Variants in PCDH11X observed in about 807,000 individuals in gnomAD.
PCDH11X encodes the protein protocadherin-11 X-linked.
PCDH11X carries 18 observed loss-of-function variants against 53.3 expected under a neutral mutation model. The observed-to-expected ratio is 0.34, with a 90% CI of 0.23 to 0.50. The LOEUF (loss-of-function observed/expected upper bound fraction) is 0.50, where lower values mean the gene tolerates loss of function less well. Among genes scored for constraint, PCDH11X ranks in the 20% least tolerant of loss-of-function variants. The pLI is 0.98. For missense variants in PCDH11X, 570 were observed against 1,032.4 expected, an observed-to-expected ratio of 0.55 and a Z score of 6.14; for synonymous variants, 279 against 393.3, an observed-to-expected ratio of 0.71 and a Z score of 3.44.
At chrX:92,300,285 A>G (rs1258566229) in intron 8 of PCDH11X, among the ~76,000 whole-genome samples, 1 of 110,981 alleles carries the variant, frequency 9.0e-6, no homozygotes, top group Admixed American at 9.6e-5. Context: ...TGTACCTACA[A>G]AAATTAAAAA....
chrX:92,364,938 T>A (rs867740743), intron 8 of PCDH11X, among the ~76,000 whole-genome samples: 951 of 41,454 alleles, frequency 0.023, 26 homozygotes, highest in African/African-American at 0.062. Context: ...AAAAAAAAAA[T>A]TTCTTTCTTT....
chrX:92,345,598 A>T (rs1318117829), intron 8 of PCDH11X, among the ~76,000 whole-genome samples: 2 of 111,547 alleles, frequency 1.8e-5, no homozygotes, highest in African/African-American at 3.2e-5. Context: ...AATAACGTTA[A>T]TTTTTAATTT....
At chrX:92,189,890 T>C (rs934437778) in intron 6 of PCDH11X, among the ~76,000 whole-genome samples, 1 of 111,857 alleles carries the variant, frequency 8.9e-6, no homozygotes, top group African/African-American at 3.2e-5. Context: ...TTCATGTCCT[T>C]TGCCCAATTC....
rs554127873 is a variant in PCDH11X, at chrX:91,873,321, G to C, written c.541-3460G>C. Among the ~76,000 whole-genome samples, 125 of 108,396 alleles carry C rather than the reference G, an allele frequency of 1.2e-3. 3 individuals carry two copies. The South Asian group carries it at 0.051, about 44-fold the overall frequency. The allele number at this position is 108,396 out of a possible 115,157, so 94.1% of individuals were successfully genotyped here. On this transcript the variant is annotated intron_variant, in intron 5 of 10. Transcript: ENST00000682573. ...GGAGCTGTTGAGAACTTAAAATATG[G>C]GTAGTGCAAGTAGGAACTGATGTTT...
At chrX:92,427,521 A>G (rs1470117113) in intron 9 of PCDH11X, among the ~76,000 whole-genome samples, 1 of 54,795 alleles carries the variant, frequency 1.8e-5, no homozygotes, top group African/African-American at 7.9e-5. Flanking sequence ...TTTGCAAATG[A>G]TTTAACACCT....
intron 6 of PCDH11X, among the ~76,000 whole-genome samples, chrX:91,940,103 T>G (rs964699313): frequency 4.5e-5 from 5 of 110,419 alleles, no homozygotes; most frequent in African/African-American, 1.6e-4. Context: ...CTTGTTATTG[T>G]CCTTGTGATA....
chrX:91,867,969 G>T, intron 5 of PCDH11X, among the ~76,000 whole-genome samples: 1 of 111,586 alleles, frequency 9.0e-6, no homozygotes, highest in Middle Eastern at 4.6e-3. Flanking sequence ...CAGCTTCACA[G>T]CCCTGCCTGT....
intron 6 of PCDH11X, among the ~76,000 whole-genome samples, chrX:92,103,366 C>A (rs2064304709): frequency 9.0e-6 from 1 of 110,564 alleles, no homozygotes; most frequent in South Asian, 3.9e-4. Flanking sequence ...GGAAACAGAC[C>A]CTTGAAAAGA....
chrX:92,514,052 C>T (rs1395329584), intron 10 of PCDH11X, among the ~76,000 whole-genome samples: 3 of 112,136 alleles, frequency 2.7e-5, no homozygotes, highest in Non-Finnish European at 5.6e-5. Context: ...TACTCCATTA[C>T]TTTTTATGGT....
At chrX:92,145,377 T>C (rs1433434318) in intron 6 of PCDH11X, among the ~76,000 whole-genome samples, 1 of 110,827 alleles carries the variant, frequency 9.0e-6, no homozygotes, top group African/African-American at 3.3e-5. Context: ...AGTAGAAAAC[T>C]ATAAGGCTTC....
intron 6 of PCDH11X, among the ~76,000 whole-genome samples, chrX:92,168,931 A>T (rs1257533960): frequency 1.8e-5 from 2 of 111,969 alleles, no homozygotes. Flanking sequence ...AATGTTTGTT[A>T]ATAGCACCTT....
chrX:92,276,872 T>A (rs1463406041), intron 8 of PCDH11X, among the ~76,000 whole-genome samples: 2 of 111,326 alleles, frequency 1.8e-5, no homozygotes, highest in African/African-American at 6.6e-5. Context: ...GATTTTTATA[T>A]TTGATGAAAA....
rs183673295 is a variant in PCDH11X, at chrX:92,280,200, T to C, written c.3144+17057T>C. On this transcript the variant is annotated intron_variant, in intron 8 of 10. Transcript: ENST00000682573. ...TACATCATTTCAGTTTGTGTAAGTA[T>C]ACTCTATGATTTTTGCACAATGAAG... Among the ~76,000 whole-genome samples, 27 of 112,048 alleles carry C rather than the reference T, an allele frequency of 2.4e-4. No homozygotes were observed. The East Asian group carries it at 6.7e-3, about 28-fold the overall frequency.
At position 91,813,522 on chromosome X, in the gene PCDH11X, A is replaced by G. The variant is rs759403176; in HGVS notation, c.-45+2227A>G. ...TTGGCTCGGCTGAAGAGGAGAGGTC[A>G]TGGATTATAAATTAAAGAGAAAGAT... On this transcript the variant is annotated intron_variant, in intron 4 of 10. Transcript: ENST00000682573. Among the ~76,000 whole-genome samples, 577 of 104,431 alleles carry G rather than the reference A, an allele frequency of 5.5e-3. 5 individuals carry two copies. Among genetic ancestry groups the G allele is most frequent in the African/African-American group, 0.021 (549 of 26,306 alleles). 90.7% of individuals were successfully genotyped at this position (104,431 alleles called of 115,157 possible).
At chrX:92,104,458 G>A (rs1362259133) in intron 6 of PCDH11X, among the ~76,000 whole-genome samples, 2 of 110,909 alleles carry the variant, frequency 1.8e-5, no homozygotes, top group Non-Finnish European at 3.8e-5. Flanking sequence ...TGGACGTCAG[G>A]CACCTCAGAC....
intron 10 of PCDH11X, among the ~76,000 whole-genome samples, chrX:92,521,216 C>G (rs2074364334): frequency 9.0e-6 from 1 of 111,556 alleles, no homozygotes; most frequent in South Asian, 3.7e-4. Context: ...TGCAGCTATA[C>G]CCATGGAAAA....
intron 6 of PCDH11X, among the ~76,000 whole-genome samples, chrX:91,924,343 G>C (rs1314627734): frequency 9.0e-6 from 1 of 111,048 alleles, no homozygotes; most frequent in Non-Finnish European, 1.9e-5. Flanking sequence ...GTAATCCAAG[G>C]AATGTGAGTA....
In PCDH11X at chrX:92,326,622, C is replaced by CTATATATATATATATATATATAA. The variant is rs1160866218; in HGVS notation, c.3145-61095_3145-61094insTATAATATATATATATATATATA. Among the ~76,000 whole-genome samples the CTATATATATATATATATATATAA allele has an allele frequency of 3.3e-3, 151 of 45,723 alleles. 2 individuals carry two copies. Among genetic ancestry groups the CTATATATATATATATATATATAA allele is most frequent in the African/African-American group, 8.6e-3 (58 of 6,741 alleles). 39.7% of individuals were successfully genotyped at this position (45,723 alleles called of 115,157 possible). Reference sequence around the variant, plus strand: ...ATTATTTTCAATTATTTTTAATAAACTATATATATATATATATAGAGAGAG... The same window carrying CTATATATATATATATATATATAA: ...ATTATTTTCAATTATTTTTAATAAACTATATATATATATATATATATAATATATATATATATATATAGAGAGAG... On this transcript the variant is annotated intron_variant, in intron 8 of 10. Transcript: ENST00000682573.
intron 6 of PCDH11X, among the ~76,000 whole-genome samples, chrX:91,906,165 G>A (rs2524587): frequency 8.9e-6 from 1 of 111,771 alleles, no homozygotes; most frequent in African/African-American, 3.3e-5. Flanking sequence ...GCTCTAGAAG[G>A]TAACATCAAC....
Sources: gnomAD v4.1 joint callset for allele counts (sites outside exome capture counted in the v4.1 genomes callset) on GRCh38, gnomAD v4.1.1 for gene constraint, MANE v1.5 for transcripts, NCBI Gene and HGNC (gene_info 2026-07-23, HGNC 2026-07-21) for gene names.